Variants in GTPBP10 observed in about 807,000 individuals in gnomAD.
GTPBP10 encodes the protein GTP-binding protein 10.
Under a neutral mutation model 44.8 loss-of-function variants are expected in GTPBP10, and 38 were observed. The ratio of observed to expected loss-of-function variants is 0.85; its 90% CI spans 0.65 to 1.11. The LOEUF (loss-of-function observed/expected upper bound fraction) is 1.11. GTPBP10 is among the 50% of genes most tolerant of loss of function. The probability of loss-of-function intolerance (pLI) is 0.00; values close to 1 mark genes in which losing one functional copy is unlikely to be tolerated. For synonymous variants in GTPBP10, 152 were observed against 150.6 expected (o/e 1.01, Z -0.07); for missense variants, 462 against 453.7 (o/e 1.02, Z -0.17).
At chr7:90,360,355 T>G (rs1232598795) in intron 4 of GTPBP10, among the ~76,000 whole-genome samples, 2 of 152,232 alleles carry the variant, frequency 1.3e-5, no homozygotes, top group African/African-American at 2.4e-5. Context: ...GCTTTCTACA[T>G]ATGGCTAGCC....
intron 7 of GTPBP10, 102 bp from the exon 8 acceptor site, chr7:90,378,032 G>A: frequency 7.2e-7 from 1 of 1,379,370 alleles, no homozygotes; most frequent in Non-Finnish European, 9.8e-7. Flanking sequence ...AGAGTATAGA[G>A]AAATTGTTTT....
intron 4 of GTPBP10, among the ~76,000 whole-genome samples, chr7:90,363,946 A>C (rs1171678515): frequency 2.6e-5 from 4 of 152,182 alleles, no homozygotes; most frequent in African/African-American, 7.2e-5. Context: ...AAGCTTGTGC[A>C]TTCGTCACAT....
At chr7:90,367,419 C>T (rs1289896775) in intron 4 of GTPBP10, among the ~76,000 whole-genome samples, 4 of 152,092 alleles carry the variant, frequency 2.6e-5, no homozygotes, top group Non-Finnish European at 5.9e-5. Flanking sequence ...GAGTCTAAGT[C>T]TCTTTGTAGC....
chr7:90,372,905 G>A (rs1796284909), intron 5 of GTPBP10, among the ~76,000 whole-genome samples: 1 of 152,108 alleles, frequency 6.6e-6, no homozygotes, highest in African/African-American at 2.4e-5. Context: ...GTAGACTAGT[G>A]GAGTAAGGCG....
At position 90,353,968 on chromosome 7, in the gene GTPBP10, G is replaced by A. The variant is rs115835846; in HGVS notation, c.228-490G>A. On this transcript the variant is annotated intron_variant, in intron 2 of 9. Coordinates refer to ENST00000222511, the MANE Select transcript of GTPBP10 (RefSeq NM_033107.4). ...CTGCCTCCCAAGTAGCTGAGACTAC[G>A]GGTATGTGCCACCATGCCCAGCTAA... Among the ~76,000 whole-genome samples the A allele has an allele frequency of 4.2e-3, 635 of 151,786 alleles. 8 individuals carry two copies. The highest frequency in any genetic ancestry group is 0.014 in the African/African-American group (597 of 41,402).
intron 4 of GTPBP10, among the ~76,000 whole-genome samples, chr7:90,370,669 CAAAA>C (rs1796240750): frequency 6.6e-6 from 1 of 151,888 alleles, no homozygotes; most frequent in South Asian, 2.1e-4. Context: ...ACAACAACAA[CAAAA>C]AAATCACTTG....
intron 1 of GTPBP10, chr7:90,347,580 C>T (rs1178339351): frequency 2.0e-6 from 1 of 504,982 alleles, no homozygotes; most frequent in African/African-American, 2.1e-5. Flanking sequence ...AGAAATTACT[C>T]CTTAAGTTAT....
intron 4 of GTPBP10, among the ~76,000 whole-genome samples, chr7:90,371,779 A>G (rs1293082388): frequency 6.6e-6 from 1 of 152,198 alleles, no homozygotes; most frequent in Non-Finnish European, 1.5e-5. Flanking sequence ...GAAACTGTCT[A>G]TAAAATTTTT....
chr7:90,352,649 G>C (rs1795812244), intron 1 of GTPBP10, among the ~76,000 whole-genome samples, 167 bp from the exon 2 acceptor site: 1 of 152,200 alleles, frequency 6.6e-6, no homozygotes. Context: ...GGGAAAGGGG[G>C]TCAGATCGGA....
intron 8 of GTPBP10, 129 bp downstream of exon 8, chr7:90,378,340 T>G: frequency 1.6e-6 from 2 of 1,215,488 alleles, no homozygotes; most frequent in Non-Finnish European, 2.2e-6. Flanking sequence ...AAAGAATTAC[T>G]TAAACTTGTT....
At chr7:90,358,527 C>G (rs1584631367) in intron 4 of GTPBP10, among the ~76,000 whole-genome samples, 1 of 152,130 alleles carries the variant, frequency 6.6e-6, no homozygotes, top group East Asian at 1.9e-4. Flanking sequence ...GAAAGGATAC[C>G]CTATTCAAAA....
chr7:90,366,699 A>G (rs1584637854), intron 4 of GTPBP10, among the ~76,000 whole-genome samples: 1 of 142,466 alleles, frequency 7.0e-6, no homozygotes, highest in Non-Finnish European at 1.5e-5. Flanking sequence ...CTAGCGGTCT[A>G]TTTATATTGT....
chr7:90,354,492 T>A lies in GTPBP10; in HGVS notation c.262T>A (p.Cys88Ser). Residue 88 changes from cysteine (C) to serine (S), a missense_variant, in exon 3 of 10, where the codon TGT (cysteine) becomes AGT (serine). Physicochemically the swap from Cys to Ser is moderately radical, Grantham distance 112. Transcript: ENST00000222511. ...SALKGSKGKDCEIPVPVGISV... is the reference protein window; with the variant it reads ...SALKGSKGKDSEIPVPVGISV... ...ACTGAAAGGCTCCAAAGGAAAAGAC[T>A]GTGAAATCCCTGTGCCTGTGGGTAT... 1 of 1,593,056 alleles carries A rather than the reference T, an allele frequency of 6.3e-7. No individual in the cohort carries two copies. The highest frequency in any genetic ancestry group is 8.6e-7 in the Non-Finnish European group (1 of 1,169,542).
chr7:90,368,316 G>C (rs1235542808), intron 4 of GTPBP10, among the ~76,000 whole-genome samples: 1 of 152,112 alleles, frequency 6.6e-6, no homozygotes, highest in African/African-American at 2.4e-5. Flanking sequence ...TCCTGAATTT[G>C]AATGTTGGCC....
At chr7:90,379,459 G>A (rs17867138) in intron 8 of GTPBP10, among the ~76,000 whole-genome samples, 2,348 of 152,240 alleles carry the variant, frequency 0.015, 57 homozygotes, top group African/African-American at 0.052. Flanking sequence ...AAATCTGCAA[G>A]TTTAGGCCCC....
Position 90,385,828 on chromosome 7 carries a change from G to C in GTPBP10, c.*674G>C, listed in dbSNP as rs1455691997. ...CCAGCACTTTTCGGAGGCCGAGGAG[G>C]GCAGATCACTTGAGGTCAGGAGTTC... is the stretch of plus-strand genomic sequence containing the variant. On this transcript the variant is annotated 3_prime_UTR_variant, in exon 10 of 10. Coordinates refer to ENST00000222511, the MANE Select transcript of GTPBP10 (RefSeq NM_033107.4). The C allele has an allele frequency of 1.3e-5, 2 of 151,926 alleles. No homozygotes were observed. Among genetic ancestry groups the C allele is most frequent in the African/African-American group, 2.4e-5 (1 of 41,332 alleles). 9.4% of individuals were successfully genotyped at this position (151,926 alleles called of 1,614,324 possible). A position where few individuals can be genotyped will look rare whatever the true frequency, so the allele number is the denominator to read the frequency against.
At chr7:90,372,262 G>C in intron 5 of GTPBP10, 34 bp downstream of exon 5, 1 of 1,316,468 alleles carries the variant, frequency 7.6e-7, no homozygotes, top group Non-Finnish European at 1.1e-6. Flanking sequence ...TTTAATGAGT[G>C]GAGGTAAACT....
chr7:90,374,665 G>A (rs1307446152), intron 6 of GTPBP10, among the ~76,000 whole-genome samples: 3 of 151,952 alleles, frequency 2.0e-5, no homozygotes, highest in Non-Finnish European at 4.4e-5. Flanking sequence ...TTTTAAAAAT[G>A]CTCTCTAAAG....
intron 1 of GTPBP10, among the ~76,000 whole-genome samples, 163 bp downstream of exon 1, chr7:90,346,937 T>C (rs1584622974): frequency 6.6e-6 from 1 of 152,150 alleles, no homozygotes; most frequent in South Asian, 2.1e-4. Context: ...CAGTAAGCGG[T>C]GACAGTGGTG....
Sources: allele counts gnomAD v4.1 joint callset (sites outside exome capture counted in the v4.1 genomes callset), GRCh38; gene constraint gnomAD v4.1.1; transcripts MANE v1.5; gene names NCBI Gene and HGNC (gene_info 2026-07-23, HGNC 2026-07-21).